The following ARPP21 variants were observed in gnomAD, a reference collection of about 807,000 sequenced individuals.
The protein encoded by ARPP21 is cAMP-regulated phosphoprotein 21.
A neutral mutation model predicts 113.2 loss-of-function variants in ARPP21; 69 were observed. The observed-to-expected ratio is 0.61, with a 90% CI of 0.50 to 0.74. The LOEUF (loss-of-function observed/expected upper bound fraction) is 0.74. ARPP21 is among the 30% of genes least tolerant of loss of function. The pLI, the probability that ARPP21 is intolerant of heterozygous loss-of-function variation, is 0.00. For missense variants in ARPP21, 1,070 were observed against 1,037.4 expected (o/e 1.03, Z -0.43); for synonymous variants, 368 against 375.5 (o/e 0.98, Z 0.23).
intron 19 of ARPP21, among the ~76,000 whole-genome samples, chr3:35,752,614 AT>A (rs1363989218): frequency 1.3e-5 from 2 of 152,010 alleles, no homozygotes; most frequent in East Asian, 3.9e-4. Context: ...TAGAACTTTA[AT>A]GTGCATGGAA....
chr3:35,683,944 G>A, intron 5 of ARPP21, 129 bp downstream of exon 5: 2 of 1,121,804 alleles, frequency 1.8e-6, no homozygotes, highest in East Asian at 4.8e-5. Flanking sequence ...TCATTTTTTG[G>A]CTTTATCCCC....
chr3:35,743,555 A>G (rs2094814600), intron 18 of ARPP21, among the ~76,000 whole-genome samples: 1 of 142,844 alleles, frequency 7.0e-6, no homozygotes, highest in African/African-American at 2.5e-5. Context: ...CAGACGTGGA[A>G]GCTGCAAGTC....
At chr3:35,780,511 A>G (rs2096496635) in intron 19 of ARPP21, among the ~76,000 whole-genome samples, 1 of 152,114 alleles carries the variant, frequency 6.6e-6, no homozygotes, top group Non-Finnish European at 1.5e-5. Context: ...AGAACAATGA[A>G]CTAAGAGAGT....
chr3:35,665,840 G>A (rs2074231142), intron 1 of ARPP21, among the ~76,000 whole-genome samples: 1 of 152,144 alleles, frequency 6.6e-6, no homozygotes, highest in Admixed American at 6.5e-5. Context: ...TCTCATCAAG[G>A]TATTTAGTTA....
chr3:35,653,355 T>A (rs1316165611), intron 1 of ARPP21, among the ~76,000 whole-genome samples: 2 of 152,006 alleles, frequency 1.3e-5, no homozygotes, highest in Non-Finnish European at 2.9e-5. Context: ...AAACAGAGAA[T>A]TCAATTATCT....
chr3:35,709,003 G>T lies in ARPP21; in HGVS notation c.830G>T (p.Arg277Leu). 1 of 1,613,862 alleles carries T rather than the reference G, an allele frequency of 6.2e-7. No homozygotes were observed. The highest frequency in any genetic ancestry group is 8.5e-7 in the Non-Finnish European group (1 of 1,179,808). Residue 277 changes from arginine (R) to leucine (L), a missense_variant, in exon 11 of 21, where the codon CGA becomes CTA. Arg to Leu is a moderately radical substitution (Grantham distance 102). Coordinates refer to ENST00000684406, the MANE Select transcript of ARPP21 (RefSeq NM_001385562.1). ...ATGCATCCATTTAGAGATGACAGAC[G>T]AAGTAAATCAATTGAAGAGAGAGAA... ...NRMHPFRDDRRSKSIEEREEE... is the reference protein window; with the variant it reads ...NRMHPFRDDRLSKSIEEREEE...
Position 35,729,369 on chromosome 3 carries a change from G to T in ARPP21, c.1292G>T (p.Ser431Ile), listed in dbSNP as rs762546877. 6.2e-7 allele frequency: 1 copy of T among 1,614,044 alleles called. No individual in the cohort carries two copies. Among genetic ancestry groups the T allele is most frequent in the African/African-American group, 1.3e-5 (1 of 74,916 alleles). Reference protein sequence around the residue: ...SLSRTHPPLQSTPLVSGVAAG... With the variant: ...SLSRTHPPLQITPLVSGVAAG... ...TCCCGCACCCATCCACCTCTCCAGAGCACACCCCTAGTCTCAGGTGTGGCA... is the reference window on the plus strand; with the variant it reads ...TCCCGCACCCATCCACCTCTCCAGATCACACCCCTAGTCTCAGGTGTGGCA... The change falls in exon 15 of 21, where the codon AGC (serine) becomes ATC (isoleucine). Residue 431 changes from serine to isoleucine, a missense_variant. Coordinates refer to ENST00000684406, the MANE Select transcript of ARPP21 (RefSeq NM_001385562.1).
intron 1 of ARPP21, among the ~76,000 whole-genome samples, chr3:35,678,575 T>C (rs577157215): frequency 2.0e-5 from 3 of 151,996 alleles, no homozygotes; most frequent in East Asian, 3.9e-4. Context: ...AGAAACATAG[T>C]TTAAAGTCTA....
At position 35,687,738 on chromosome 3, in the gene ARPP21, G is replaced by T; in HGVS notation, c.262-1G>T. The T allele has an allele frequency of 6.3e-7, 1 of 1,597,678 alleles. No individual in the cohort carries two copies. The highest frequency in any genetic ancestry group is 1.1e-5 in the South Asian group (1 of 87,268). On this transcript the variant is annotated splice_acceptor_variant, in intron 5 of 20. Coordinates refer to ENST00000684406, the MANE Select transcript of ARPP21 (RefSeq NM_001385562.1). LOFTEE classifies it high-confidence loss of function. ...AAATTATTATATTTTTTCCCCAACAGGAATCAATTCATTTACAGCTTTCCA... is the reference window on the plus strand; with the variant it reads ...AAATTATTATATTTTTTCCCCAACATGAATCAATTCATTTACAGCTTTCCA...
chr3:35,724,868 A>G (rs936960565), intron 14 of ARPP21, among the ~76,000 whole-genome samples: 4 of 152,160 alleles, frequency 2.6e-5, no homozygotes, highest in South Asian at 2.1e-4. Context: ...AGGTTATTCT[A>G]CTGAACACTG....
At chr3:35,653,007 A>C (rs896056097) in intron 1 of ARPP21, among the ~76,000 whole-genome samples, 2 of 152,046 alleles carry the variant, frequency 1.3e-5, no homozygotes, top group East Asian at 3.9e-4. Flanking sequence ...GTGATAAGTG[A>C]AAAGTCAGTA....
intron 19 of ARPP21, chr3:35,785,143 C>G (rs1296096767): frequency 6.6e-6 from 1 of 152,168 alleles, no homozygotes; most frequent in Non-Finnish European, 1.5e-5. Context: ...GGGGAAAAAG[C>G]TTCTTAAAGT....
At chr3:35,639,485 A>C (rs1199472685), upstream of ARPP21, 3 of 151,754 alleles carry the variant, frequency 2.0e-5, no homozygotes, top group Non-Finnish European at 4.4e-5. The surrounding 1 kb of genome is among the most constrained non-coding windows in gnomAD (Gnocchi z 5.0). Flanking sequence ...CCCCGGCGGC[A>C]GTGCCAGCCG....
intron 20 of ARPP21, 25 bp from the exon 21 acceptor site, chr3:35,793,676 G>T (rs1230617198): frequency 2.5e-6 from 4 of 1,590,498 alleles, no homozygotes; most frequent in Non-Finnish European, 2.6e-6. Flanking sequence ...CTTCATACAG[G>T]GTTCTTGCTT....
intron 5 of ARPP21, chr3:35,685,829 A>G (rs2080382355): frequency 1.3e-6 from 1 of 780,090 alleles, no homozygotes; most frequent in South Asian, 5.9e-5. Flanking sequence ...TAACACTTGT[A>G]TTTTATTATT....
At chr3:35,687,372 CTT>C (rs1001551743) in intron 5 of ARPP21, among the ~76,000 whole-genome samples, 2 of 142,506 alleles carry the variant, frequency 1.4e-5, no homozygotes. Flanking sequence ...CTACGGAGGA[CTT>C]TTTTTTTTTA....
At chr3:35,704,676 A>C (rs1576067583) in intron 9 of ARPP21, among the ~76,000 whole-genome samples, 1 of 152,162 alleles carries the variant, frequency 6.6e-6, no homozygotes, top group Middle Eastern at 3.4e-3. Flanking sequence ...AGGATTTAAA[A>C]TTTGATATAT....
intron 1 of ARPP21, among the ~76,000 whole-genome samples, chr3:35,671,136 A>G (rs918144855): frequency 2.5e-4 from 38 of 152,108 alleles, no homozygotes; most frequent in Middle Eastern, 3.2e-3. Context: ...TCCCAGGAAA[A>G]GAGACATCAG....
chr3:35,716,434 T>C (rs1259424460), intron 12 of ARPP21, among the ~76,000 whole-genome samples: 1 of 152,098 alleles, frequency 6.6e-6, no homozygotes, highest in Non-Finnish European at 1.5e-5. Flanking sequence ...ATCATTCATA[T>C]TTGCAGTTGG....
Sources: gnomAD v4.1 joint callset for allele counts (sites outside exome capture counted in the v4.1 genomes callset) on GRCh38, gnomAD v4.1.1 for gene constraint, Gnocchi (gnomAD v3.1) non-coding constraint, MANE v1.5 for transcripts, NCBI Gene and HGNC (gene_info 2026-07-23, HGNC 2026-07-21) for gene names.